Variants in SEM1 observed in about 807,000 individuals in gnomAD.
SEM1 encodes the protein 26S proteasome complex subunit SEM1.
SEM1 carries 3 observed loss-of-function variants against 12.7 expected under a neutral mutation model. The ratio of observed to expected loss-of-function variants is 0.24; its 90% CI spans 0.11 to 0.61. The LOEUF (loss-of-function observed/expected upper bound fraction) is 0.61, where lower values mean the gene tolerates loss of function less well. Ranked by LOEUF, SEM1 falls within the 20% of genes least tolerant of loss-of-function variation. The probability of loss-of-function intolerance (pLI) is 0.88; values close to 1 mark genes in which losing one functional copy is unlikely to be tolerated. For synonymous variants in SEM1, 30 were observed against 27.8 expected (o/e 1.08, Z -0.25); for missense variants, 59 against 81.3 (o/e 0.73, Z 1.06).
At chr7:96,663,670 C>G (rs1789079377) in intron 2 of SEM1, among the ~76,000 whole-genome samples, 1 of 152,158 alleles carries the variant, frequency 6.6e-6, no homozygotes, top group African/African-American at 2.4e-5. Flanking sequence ...ACTTTCCTTA[C>G]AGTAGGTTCT....
chr7:96,613,098 C>T (rs1419106098), intron 2 of SEM1, among the ~76,000 whole-genome samples: 1 of 152,082 alleles, frequency 6.6e-6, no homozygotes, highest in Non-Finnish European at 1.5e-5. Context: ...TAATGGAAAA[C>T]CATGCATTGT....
chr7:96,615,452 G>A (rs1212934548), intron 2 of SEM1, among the ~76,000 whole-genome samples: 3 of 151,736 alleles, frequency 2.0e-5, no homozygotes, highest in Non-Finnish European at 4.4e-5. Flanking sequence ...ACAAGGTTTC[G>A]CCAGGTTGGC....
chr7:96,654,079 C>T (rs1386458123), intron 2 of SEM1, among the ~76,000 whole-genome samples: 1 of 152,158 alleles, frequency 6.6e-6, no homozygotes, highest in Admixed American at 6.5e-5. Flanking sequence ...GATGAGAGTG[C>T]ACTTAAGGAA....
intron 2 of SEM1, among the ~76,000 whole-genome samples, chr7:96,608,504 A>G (rs759757363): frequency 1.3e-4 from 20 of 152,168 alleles, no homozygotes; most frequent in Admixed American, 9.8e-4. Context: ...AGGTTGCATA[A>G]CCATTGCCAT....
chr7:96,523,276 T>A (rs1328577182), intron 2 of SEM1, among the ~76,000 whole-genome samples: 1 of 152,126 alleles, frequency 6.6e-6, no homozygotes, highest in Non-Finnish European at 1.5e-5. Context: ...GAGGAAAACA[T>A]TGTTCCAACT....
intron 2 of SEM1, among the ~76,000 whole-genome samples, chr7:96,593,992 A>T (rs1806917659): frequency 6.7e-6 from 1 of 150,024 alleles, no homozygotes; most frequent in Non-Finnish European, 1.5e-5. Context: ...AAAATATATT[A>T]TTAACAATTT....
intron 2 of SEM1, among the ~76,000 whole-genome samples, chr7:96,573,031 A>G (rs1806087422): frequency 6.6e-6 from 1 of 151,294 alleles, no homozygotes; most frequent in Non-Finnish European, 1.5e-5. Flanking sequence ...CTTTACCATT[A>G]TGTAATGCCT....
intron 2 of SEM1, among the ~76,000 whole-genome samples, chr7:96,591,476 G>A (rs1241162784): frequency 6.6e-6 from 1 of 152,150 alleles, no homozygotes; most frequent in Non-Finnish European, 1.5e-5. Context: ...TTTCCAAGGA[G>A]AGTCAAATGA....
chr7:96,622,415 G>T, downstream of SEM1: 1 of 522,658 alleles, frequency 1.9e-6, no homozygotes, highest in East Asian at 2.9e-5. Context: ...TTGAATCACT[G>T]AGGGGAAAAC....
chr7:96,667,605 G>C (rs1239004592), intron 2 of SEM1, among the ~76,000 whole-genome samples: 1 of 151,794 alleles, frequency 6.6e-6, no homozygotes, highest in East Asian at 1.9e-4. Context: ...GTTCATTCAG[G>C]GATGTTTTTT....
intron 2 of SEM1, among the ~76,000 whole-genome samples, chr7:96,600,104 C>A (rs568988547): frequency 1.1e-4 from 17 of 152,254 alleles, no homozygotes; most frequent in Non-Finnish European, 2.5e-4. Context: ...AATTTACATA[C>A]TTTTAAATGC....
chr7:96,585,796 G>C (rs147164427), intron 2 of SEM1, among the ~76,000 whole-genome samples: 2 of 152,044 alleles, frequency 1.3e-5, no homozygotes, highest in African/African-American at 4.8e-5. Flanking sequence ...TGCGCTTCCC[G>C]AGTGAGGCAA....
chr7:96,581,899 C>G (rs779921791), intron 2 of SEM1, among the ~76,000 whole-genome samples: 2 of 152,126 alleles, frequency 1.3e-5, no homozygotes, highest in African/African-American at 4.8e-5. Flanking sequence ...TCTAGATACA[C>G]AATCGTGTCA....
chr7:96,694,736 A>G, intron 2 of SEM1, 62 bp downstream of exon 2: 1 of 1,090,902 alleles, frequency 9.2e-7, no homozygotes, highest in Non-Finnish European at 1.4e-6. Context: ...ATCTATGTAA[A>G]TTACATATTC....
intron 2 of SEM1, among the ~76,000 whole-genome samples, chr7:96,560,546 A>G (rs1326446948): frequency 6.6e-6 from 1 of 152,120 alleles, no homozygotes; most frequent in East Asian, 1.9e-4. Context: ...GTTGGCCTAT[A>G]TATTCCAAAT....
At chr7:96,499,006 A>C (rs956844274), upstream of SEM1, among the ~76,000 whole-genome samples, 1 of 152,192 alleles carries the variant, frequency 6.6e-6, no homozygotes, top group African/African-American at 2.4e-5. Context: ...GACACTATCC[A>C]ACTGATAAAG....
chr7:96,627,275 C>A (rs1000318615), intron 2 of SEM1, among the ~76,000 whole-genome samples: 1 of 151,692 alleles, frequency 6.6e-6, no homozygotes, highest in Non-Finnish European at 1.5e-5. Flanking sequence ...CTGCTCTGAT[C>A]TTTATTATTC....
intron 2 of SEM1, among the ~76,000 whole-genome samples, chr7:96,667,289 A>G (rs1392339883): frequency 6.6e-6 from 1 of 152,174 alleles, no homozygotes; most frequent in African/African-American, 2.4e-5. Flanking sequence ...GGCCGGTTTC[A>G]GTCTGGTGGT....
At chr7:96,568,231 G>T (rs936999665) in intron 2 of SEM1, among the ~76,000 whole-genome samples, 12 of 137,764 alleles carry the variant, frequency 8.7e-5, no homozygotes, top group Admixed American at 6.6e-4. Flanking sequence ...TTCTAGAAAT[G>T]TCAACCATTT....
Sources: allele counts gnomAD v4.1 joint callset (sites outside exome capture counted in the v4.1 genomes callset), GRCh38; gene constraint gnomAD v4.1.1; transcripts MANE v1.5; gene names NCBI Gene and HGNC (gene_info 2026-07-23, HGNC 2026-07-21).